The following TTLL5 variants were observed in gnomAD, a reference collection of about 807,000 sequenced individuals.
TTLL5 encodes the protein tubulin tyrosine ligase like 5.
Under a neutral mutation model 168.4 loss-of-function variants are expected in TTLL5, and 132 were observed. That is an observed-to-expected ratio of 0.78 (90% CI 0.68 to 0.91). TTLL5 has a LOEUF of 0.91. Among genes scored for constraint, TTLL5 ranks in the 40% least tolerant of loss-of-function variants. The pLI is 0.00. For missense variants in TTLL5, 1,545 were observed against 1,581.5 expected (o/e 0.98, Z 0.39); for synonymous variants, 546 against 558.6 (o/e 0.98, Z 0.32).
intron 6 of TTLL5, among the ~76,000 whole-genome samples, chr14:75,698,856 G>A (rs1477924234): frequency 2.0e-5 from 3 of 151,692 alleles, no homozygotes; most frequent in African/African-American, 7.3e-5. Flanking sequence ...AATAAGCTAT[G>A]GAAGCACCAC....
At position 75,954,458 on chromosome 14, in the gene TTLL5, A is replaced by C. The variant is rs772012948; in HGVS notation, c.*12A>C. 2.1e-5 allele frequency: 34 copies of C among 1,613,692 alleles called. 1 individual carries two copies. The South Asian group carries it at 3.2e-4, about 15-fold the overall frequency. Reference sequence around the variant, plus strand: ...ACACTAAAATATGAACCACAAACACACAGAGAAACAACCTGTTCACCACTC... The same window carrying C: ...ACACTAAAATATGAACCACAAACACCCAGAGAAACAACCTGTTCACCACTC... On this transcript the variant is annotated 3_prime_UTR_variant, in exon 32 of 32. Transcript: ENST00000298832.
intron 27 of TTLL5, among the ~76,000 whole-genome samples, chr14:75,818,040 A>G (rs951050911): frequency 3.3e-5 from 5 of 151,262 alleles, no homozygotes; most frequent in Non-Finnish European, 7.4e-5. Flanking sequence ...GGGTTTCACC[A>G]TGTTAGCCAG....
chr14:75,938,876 G>A (rs2034510585), intron 31 of TTLL5, among the ~76,000 whole-genome samples: 1 of 152,088 alleles, frequency 6.6e-6, no homozygotes, highest in Non-Finnish European at 1.5e-5. Flanking sequence ...GGCCACTCTC[G>A]GCTTCCTGTG....
At chr14:75,915,750 C>G (rs2033593124) in intron 31 of TTLL5, among the ~76,000 whole-genome samples, 1 of 151,894 alleles carries the variant, frequency 6.6e-6, no homozygotes, top group African/African-American at 2.4e-5. Context: ...AAAAGATGCT[C>G]AACATTGCTA....
intron 28 of TTLL5, among the ~76,000 whole-genome samples, chr14:75,830,075 T>C (rs970808385): frequency 2.0e-5 from 3 of 152,222 alleles, no homozygotes; most frequent in African/African-American, 7.2e-5. Flanking sequence ...GTTGGGGATA[T>C]AGCATAATTA....
chr14:75,783,199 C>T lies in TTLL5; in HGVS notation c.2655C>T (p.Ser885=), dbSNP rs1892166239. 1.9e-6 allele frequency: 3 copies of T among 1,613,806 alleles called. No homozygotes were observed. Among genetic ancestry groups the T allele is most frequent in the South Asian group, 2.2e-5 (2 of 91,078 alleles). The change falls in exon 26 of 32, where the codon TCC becomes TCT. Residue 885 remains serine, a synonymous_variant. Transcript: ENST00000298832. The part of the protein sequence containing the change: ...KEAKLVYSNS[S]SGPTATLQKI... Reference sequence around the variant, plus strand: ...CAAAATTAGTTTATAGCAATTCCTCCTCTGGTCCTACTGCTACTCTGCAGA... The same window carrying T: ...CAAAATTAGTTTATAGCAATTCCTCTTCTGGTCCTACTGCTACTCTGCAGA...
chr14:75,681,664 T>G (rs1464907874), intron 4 of TTLL5, 37 bp downstream of exon 4: 1 of 1,584,434 alleles, frequency 6.3e-7, no homozygotes, highest in Non-Finnish European at 8.7e-7. Flanking sequence ...GATCTGCTCA[T>G]AAGCTGAAAA....
chr14:75,829,428 G>A (rs1895434331), intron 28 of TTLL5, among the ~76,000 whole-genome samples: 1 of 151,816 alleles, frequency 6.6e-6, no homozygotes, highest in African/African-American at 2.4e-5. Context: ...GTAAGCTAGA[G>A]AATAAAAAAA....
intron 31 of TTLL5, among the ~76,000 whole-genome samples, chr14:75,939,290 A>G (rs2034524967): frequency 6.6e-6 from 1 of 152,252 alleles, no homozygotes; most frequent in Non-Finnish European, 1.5e-5. Context: ...ATGGTTGTGC[A>G]TTCAGTGGCA....
At chr14:75,946,088 T>C (rs1054626929) in intron 31 of TTLL5, among the ~76,000 whole-genome samples, 1 of 152,220 alleles carries the variant, frequency 6.6e-6, no homozygotes, top group African/African-American at 2.4e-5. Flanking sequence ...GTCTAAAGAA[T>C]GTATTTCAGA....
chr14:75,770,967 C>T (rs1891273061), intron 20 of TTLL5, among the ~76,000 whole-genome samples: 1 of 152,158 alleles, frequency 6.6e-6, no homozygotes, highest in African/African-American at 2.4e-5. Context: ...CTTTTATATA[C>T]TAGAAATATT....
At chr14:75,846,464 G>A (rs1449940975) in intron 28 of TTLL5, among the ~76,000 whole-genome samples, 4 of 152,088 alleles carry the variant, frequency 2.6e-5, no homozygotes, top group Non-Finnish European at 4.4e-5. Context: ...TTTTAGAAGC[G>A]AACCATGATA....
chr14:75,872,779 C>T (rs1036923896), intron 29 of TTLL5, among the ~76,000 whole-genome samples: 6 of 151,698 alleles, frequency 4.0e-5, no homozygotes, highest in Non-Finnish European at 5.9e-5. Flanking sequence ...TGCGTGGTTG[C>T]GCATGCCTGT....
chr14:75,764,771 A>T lies in TTLL5; in HGVS notation c.1707A>T (p.Pro569=). 4 of 1,614,054 alleles carry T rather than the reference A, an allele frequency of 2.5e-6. No homozygotes were observed. Among genetic ancestry groups the T allele is most frequent in the Non-Finnish European group, 2.5e-6 (3 of 1,179,940 alleles). The part of the protein sequence containing the change: ...SRLRAMRPKY[P]VITQPAEMNV... ...TGAGGGCAATGAGGCCAAAATACCC[A>T]GGTACCTGCTGGTGAGCTTTCACCA... The change falls in exon 19 of 32, where the codon CCA becomes CCT. Residue 569 remains proline, a splice_region_variant and synonymous_variant. Coordinates refer to ENST00000298832, the MANE Select transcript of TTLL5 (RefSeq NM_015072.5).
chr14:75,858,913 A>G (rs1319849433), intron 28 of TTLL5, among the ~76,000 whole-genome samples: 3 of 152,114 alleles, frequency 2.0e-5, no homozygotes, highest in African/African-American at 7.2e-5. Flanking sequence ...TATTCCTTTC[A>G]TTTCTGGATA....
At chr14:75,688,674 C>T (rs150617062) in intron 5 of TTLL5, among the ~76,000 whole-genome samples, 197 of 152,144 alleles carry the variant, frequency 1.3e-3, no homozygotes, top group Middle Eastern at 6.8e-3. Flanking sequence ...GACACTATCT[C>T]GAGGTAGGTA....
intron 3 of TTLL5, among the ~76,000 whole-genome samples, chr14:75,674,289 T>G (rs1049228283): frequency 6.6e-6 from 1 of 152,234 alleles, no homozygotes; most frequent in African/African-American, 2.4e-5. Flanking sequence ...GAATGACTTT[T>G]GGTAGTTGCT....
chr14:75,715,199 T>A (rs907254747), intron 9 of TTLL5, among the ~76,000 whole-genome samples: 1 of 151,118 alleles, frequency 6.6e-6, no homozygotes, highest in Non-Finnish European at 1.5e-5. Context: ...CCTTATTTGG[T>A]GGCCTCCCTG....
chr14:75,941,619 G>A (rs1340684000), intron 31 of TTLL5: 4 of 152,094 alleles, frequency 2.6e-5, no homozygotes, highest in African/African-American at 9.7e-5. Context: ...TGAGGTTTGA[G>A]CCTTCTTTAT....
Sources: gnomAD v4.1 joint callset for allele counts (sites outside exome capture counted in the v4.1 genomes callset) on GRCh38, gnomAD v4.1.1 for gene constraint, MANE v1.5 for transcripts, NCBI Gene and HGNC (gene_info 2026-07-23, HGNC 2026-07-21) for gene names.